Variants in LIMS1 observed in about 807,000 individuals in gnomAD.
LIMS1 encodes LIM zinc finger domain containing 1, also known as LIM and senescent cell antigen-like-containing domain protein 1.
LIMS1 carries 18 observed loss-of-function variants against 44.1 expected under a neutral mutation model. The ratio of observed to expected loss-of-function variants is 0.41; its 90% confidence interval spans 0.28 to 0.61. The LOEUF (loss-of-function observed/expected upper bound fraction) is 0.61. LIMS1 is among the 20% of genes least tolerant of loss of function. The probability of loss-of-function intolerance (pLI) is 0.32; values close to 1 mark genes in which losing one functional copy is unlikely to be tolerated. For missense variants in LIMS1, 201 were observed against 422.0 expected (o/e 0.48, Z 4.59); for synonymous variants, 93 against 149.1 (o/e 0.62, Z 2.74).
At chr2:108,555,297 C>T (rs186424043) in intron 1 of LIMS1, among the ~76,000 whole-genome samples, 1 of 152,264 alleles carries the variant, frequency 6.6e-6, no homozygotes, top group East Asian at 1.9e-4. Context: ...GGCAGCCATT[C>T]TGTGACCTTG....
chr2:108,595,181 A>G (rs578238754), intron 1 of LIMS1, among the ~76,000 whole-genome samples: 1 of 152,270 alleles, frequency 6.6e-6, no homozygotes, highest in South Asian at 2.1e-4. Context: ...GTTGACTGCT[A>G]GATGCTGAAC....
intron 5 of LIMS1, chr2:108,673,801 A>T (rs1354237434): frequency 6.6e-6 from 1 of 152,152 alleles, no homozygotes; most frequent in East Asian, 1.9e-4. Context: ...TGTCATCACT[A>T]TGTTTTTCCA....
rs576854026 is a variant in LIMS1, at chr2:108,631,936, T to C, written c.33-27669T>C. Among the ~76,000 whole-genome samples the C allele has an allele frequency of 3.3e-5, 5 of 152,310 alleles. No homozygotes were observed. The South Asian group carries it at 1.0e-3, about 32-fold the overall frequency. On this transcript the variant is annotated intron_variant, in intron 1 of 9. Transcript: ENST00000544547. ...CAGCTCCTTCACATTTGGAACCGCT[T>C]TGCATATATGCCTCCTTCACAGAAT...
At chr2:108,541,451 T>A (rs570253626) in intron 1 of LIMS1, among the ~76,000 whole-genome samples, 2 of 152,364 alleles carry the variant, frequency 1.3e-5, no homozygotes, top group South Asian at 4.1e-4. Flanking sequence ...TTTGTTTTTC[T>A]GTGCAGGTAC....
chr2:108,654,070 G>A (rs528105380), intron 1 of LIMS1, among the ~76,000 whole-genome samples: 2 of 151,676 alleles, frequency 1.3e-5, no homozygotes, highest in Non-Finnish European at 2.9e-5. Flanking sequence ...GAGTTTTCTC[G>A]CGGGCAAATG....
chr2:108,613,876 C>T (rs1687791100), intron 1 of LIMS1, among the ~76,000 whole-genome samples: 1 of 152,018 alleles, frequency 6.6e-6, no homozygotes, highest in Non-Finnish European at 1.5e-5. Context: ...AAGCTTGCCC[C>T]TGCTGTCCTG....
intron 1 of LIMS1, among the ~76,000 whole-genome samples, chr2:108,556,308 G>A (rs1464223598): frequency 6.6e-6 from 1 of 152,104 alleles, no homozygotes; most frequent in African/African-American, 2.4e-5. Flanking sequence ...ATATTCCATT[G>A]TATGTATATA....
chr2:108,607,838 A>G (rs1398844282), intron 1 of LIMS1, among the ~76,000 whole-genome samples: 1 of 152,186 alleles, frequency 6.6e-6, no homozygotes, highest in Non-Finnish European at 1.5e-5. Flanking sequence ...TGTGGGTAAC[A>G]TTCATGTGAT....
chr2:108,551,491 G>T (rs12468003), intron 1 of LIMS1, among the ~76,000 whole-genome samples: 1 of 114,868 alleles, frequency 8.7e-6, no homozygotes, highest in Admixed American at 1.0e-4. Flanking sequence ...GCGCGCGCGC[G>T]CACACACACA....
At chr2:108,589,495 AGTCTCTTTTTCATT>A (rs1196720378) in intron 1 of LIMS1, among the ~76,000 whole-genome samples, 1 of 152,050 alleles carries the variant, frequency 6.6e-6, no homozygotes, top group Non-Finnish European at 1.5e-5. Context: ...TTGTTTTTCT[AGTCTCTTTTTCATT>A]TACTTCTGTT....
At chr2:108,621,845 TTG>T (rs1250033158) in intron 1 of LIMS1, among the ~76,000 whole-genome samples, 1 of 152,094 alleles carries the variant, frequency 6.6e-6, no homozygotes, top group Non-Finnish European at 1.5e-5. Flanking sequence ...GGTGGGTAGT[TTG>T]TGGTGGTTTG....
At chr2:108,579,250 G>A (rs1573363675) in intron 1 of LIMS1, among the ~76,000 whole-genome samples, 1 of 152,080 alleles carries the variant, frequency 6.6e-6, no homozygotes, top group South Asian at 2.1e-4. Context: ...TTATTTTATG[G>A]ATATTAAAGC....
chr2:108,615,685 C>G (rs560937737), intron 1 of LIMS1, among the ~76,000 whole-genome samples: 7 of 152,268 alleles, frequency 4.6e-5, no homozygotes, highest in African/African-American at 1.4e-4. Flanking sequence ...CCATGTGTAC[C>G]TGCTTTATTC....
At chr2:108,631,079 A>T (rs2148894784) in intron 1 of LIMS1, among the ~76,000 whole-genome samples, 1 of 152,338 alleles carries the variant, frequency 6.6e-6, no homozygotes. Context: ...AGAGTGTGGG[A>T]CACTTAATGA....
At chr2:108,586,301 G>C (rs1404048427) in intron 1 of LIMS1, among the ~76,000 whole-genome samples, 1 of 152,196 alleles carries the variant, frequency 6.6e-6, no homozygotes, top group East Asian at 1.9e-4. Flanking sequence ...TTTTAACGTA[G>C]CAGAAACTGG....
chr2:108,541,413 CCTT>C (rs763496656), intron 1 of LIMS1, among the ~76,000 whole-genome samples: 53 of 152,208 alleles, frequency 3.5e-4, no homozygotes, highest in South Asian at 1.9e-3. Context: ...AGCTGTTTCT[CCTT>C]CTCAGTGCAG....
At chr2:108,598,462 A>C (rs1185330677) in intron 1 of LIMS1, among the ~76,000 whole-genome samples, 4 of 152,198 alleles carry the variant, frequency 2.6e-5, no homozygotes, top group Non-Finnish European at 5.9e-5. Flanking sequence ...AGCTGAAGGT[A>C]GGGCAGCCGG....
chr2:108,639,000 G>A (rs947068214), intron 1 of LIMS1, among the ~76,000 whole-genome samples: 3 of 151,748 alleles, frequency 2.0e-5, no homozygotes, highest in South Asian at 2.1e-4. Flanking sequence ...CATGGATCGC[G>A]CTACTGCACT....
chr2:108,602,548 A>G (rs986317902), intron 1 of LIMS1, among the ~76,000 whole-genome samples: 1 of 152,208 alleles, frequency 6.6e-6, no homozygotes, highest in African/African-American at 2.4e-5. Flanking sequence ...AGTTGAAATG[A>G]TCATAAGGTT....
Sources: gnomAD v4.1 joint callset for allele counts (sites outside exome capture counted in the v4.1 genomes callset) on GRCh38, gnomAD v4.1.1 for gene constraint, MANE v1.5 for transcripts, NCBI Gene and HGNC (gene_info 2026-07-23, HGNC 2026-07-21) for gene names.